PDE8A: variants seen among roughly 807,000 people sequenced by gnomAD.
PDE8A encodes phosphodiesterase 8A.
PDE8A carries 59 observed loss-of-function variants against 105.0 expected under a neutral mutation model. The observed-to-expected ratio is 0.56, with a 90% CI of 0.46 to 0.70. PDE8A has a LOEUF of 0.70. Ranked by LOEUF, PDE8A falls within the 30% of genes least tolerant of loss-of-function variation. The probability of loss-of-function intolerance (pLI) is 0.00; values close to 1 mark genes in which losing one functional copy is unlikely to be tolerated. For synonymous variants in PDE8A, 355 were observed against 371.9 expected (o/e 0.95, Z 0.52); for missense variants, 1,014 against 1,045.9 (o/e 0.97, Z 0.42).
chr15:85,031,333 C>T (rs2080611661), intron 1 of PDE8A, among the ~76,000 whole-genome samples: 1 of 152,088 alleles, frequency 6.6e-6, no homozygotes, highest in African/African-American at 2.4e-5. Flanking sequence ...TCTATAACAC[C>T]ATCTTACCAG....
chr15:85,080,112 GATATTA>G (rs1567270655), intron 5 of PDE8A, among the ~76,000 whole-genome samples: 3 of 152,066 alleles, frequency 2.0e-5, no homozygotes, highest in South Asian at 4.2e-4. Context: ...TATTGATATT[GATATTA>G]ATATCAGATG....
In PDE8A at chr15:85,005,327, G is replaced by A. The variant is rs1273212447; in HGVS notation, c.186+22979G>A. Among the ~76,000 whole-genome samples, 3 of 152,072 alleles carry A rather than the reference G, an allele frequency of 2.0e-5. No individual in the cohort carries two copies. The East Asian group carries it at 5.8e-4, about 29-fold the overall frequency. ...GAAAGGTTCTCACTATATTGCCCAG[G>A]CTGGTCTTGAACTCCCGGACTCAAG... is the stretch of plus-strand genomic sequence containing the variant. On this transcript the variant is annotated intron_variant, in intron 1 of 21. Transcript: ENST00000394553.
chr15:85,092,612 G>T (rs557699808), intron 8 of PDE8A, among the ~76,000 whole-genome samples: 89 of 152,200 alleles, frequency 5.8e-4, no homozygotes, highest in Non-Finnish European at 9.3e-4. Context: ...TGGTTTTGTT[G>T]TGAGGTTCAA....
In PDE8A at chr15:85,115,993, T is replaced by C. The variant is rs1254805674; in HGVS notation, c.1409T>C (p.Met470Thr). 7.4e-6 allele frequency: 12 copies of C among 1,613,026 alleles called. No homozygotes were observed. Among genetic ancestry groups the C allele is most frequent in the Non-Finnish European group, 1.0e-5 (12 of 1,179,388 alleles). Reference sequence around the variant, plus strand: ...TTACATCACTTTACAGACACTCAAATGGTTTCAAGCAATATAATCACTCCC... The same window carrying C: ...TTACATCACTTTACAGACACTCAAACGGTTTCAAGCAATATAATCACTCCC... ...EYVLSTKNTQ[M>T]VSSNIITPIS... Residue 470 changes from methionine (M) to threonine (T), a missense_variant, in exon 16 of 22, where the codon ATG becomes ACG. Coordinates refer to ENST00000394553, the MANE Select transcript of PDE8A (RefSeq NM_002605.3).
At chr15:85,108,263 G>T (rs1458539921) in intron 11 of PDE8A, among the ~76,000 whole-genome samples, 1 of 152,224 alleles carries the variant, frequency 6.6e-6, no homozygotes, top group Non-Finnish European at 1.5e-5. Context: ...AGCAGGGAGA[G>T]AAGTTCCAAG....
chr15:85,042,076 ATT>A (rs113543416), intron 1 of PDE8A, among the ~76,000 whole-genome samples: 7 of 150,732 alleles, frequency 4.6e-5, no homozygotes, highest in African/African-American at 1.7e-4. Flanking sequence ...AAAGAAACCA[ATT>A]TTTTTTTTTT....
intron 20 of PDE8A, among the ~76,000 whole-genome samples, chr15:85,135,179 T>C (rs1228727414): frequency 3.3e-5 from 5 of 152,238 alleles, no homozygotes; most frequent in African/African-American, 1.2e-4. Flanking sequence ...CTGGCTGTGA[T>C]GGGGTGAGCT....
At chr15:85,030,303 C>G (rs1014174062) in intron 1 of PDE8A, among the ~76,000 whole-genome samples, 3 of 151,822 alleles carry the variant, frequency 2.0e-5, no homozygotes, top group African/African-American at 7.3e-5. Context: ...TGTCTTGCCC[C>G]CGTAGCCTCC....
chr15:85,088,166 C>A (rs2081584230), intron 6 of PDE8A, among the ~76,000 whole-genome samples: 1 of 152,180 alleles, frequency 6.6e-6, no homozygotes, highest in African/African-American at 2.4e-5. Context: ...ATTACAGGCG[C>A]CTGCCACCAT....
At chr15:85,004,198 A>T (rs922028750) in intron 1 of PDE8A, among the ~76,000 whole-genome samples, 1 of 152,160 alleles carries the variant, frequency 6.6e-6, no homozygotes, top group East Asian at 1.9e-4. Context: ...TTTGCCATGC[A>T]TAATAGTTGT....
intron 1 of PDE8A, among the ~76,000 whole-genome samples, chr15:85,054,552 A>G (rs1190770827): frequency 6.6e-6 from 1 of 152,182 alleles, no homozygotes; most frequent in Non-Finnish European, 1.5e-5. Context: ...TGGAGGGTGT[A>G]TGTGTCCAGG....
At chr15:85,136,460 C>G (rs1352811516) in intron 20 of PDE8A, 74 bp from the exon 21 acceptor site, 10 of 1,511,964 alleles carry the variant, frequency 6.6e-6, no homozygotes, top group Non-Finnish European at 8.0e-6. Context: ...GAAGCTCTTC[C>G]TGGGGGAGGG....
intron 3 of PDE8A, among the ~76,000 whole-genome samples, chr15:85,067,588 C>T (rs1404001186): frequency 6.6e-6 from 1 of 152,114 alleles, no homozygotes; most frequent in African/African-American, 2.4e-5. Context: ...ATTATACTTG[C>T]ACCTTGTCAA....
intron 1 of PDE8A, among the ~76,000 whole-genome samples, chr15:84,985,764 T>C (rs551957136): frequency 6.6e-6 from 1 of 152,254 alleles, no homozygotes; most frequent in South Asian, 2.1e-4. Context: ...AAGTTGAAAA[T>C]CCACCCAGGC....
intron 1 of PDE8A, among the ~76,000 whole-genome samples, chr15:85,061,428 CGG>C (rs2081143713): frequency 6.6e-6 from 1 of 151,680 alleles, no homozygotes; most frequent in Non-Finnish European, 1.5e-5. Flanking sequence ...TTAGTAGAGA[CGG>C]GGTTTCACCA....
At chr15:85,115,739 G>C in intron 15 of PDE8A, 1 of 537,428 alleles carries the variant, frequency 1.9e-6, no homozygotes, top group South Asian at 2.4e-5. Flanking sequence ...GGCCAACATG[G>C]CAAAATCCTG....
intron 1 of PDE8A, among the ~76,000 whole-genome samples, chr15:85,034,725 A>G (rs760958295): frequency 1.3e-5 from 2 of 152,194 alleles, no homozygotes; most frequent in Non-Finnish European, 2.9e-5. Context: ...TAGTTTTACT[A>G]ATTTTAGAGA....
chr15:84,997,480 G>C (rs1261115918), intron 1 of PDE8A, among the ~76,000 whole-genome samples: 1 of 151,950 alleles, frequency 6.6e-6, no homozygotes, highest in Non-Finnish European at 1.5e-5. Context: ...ACAGATATGA[G>C]CCAACGCACC....
At position 85,055,420 on chromosome 15, in the gene PDE8A, T is replaced by TC. The variant is rs1330869163; in HGVS notation, c.187-8947dup. On this transcript the variant is annotated intron_variant, in intron 1 of 21. Transcript: ENST00000394553. Reference sequence around the variant, plus strand: ...ATGTTGACAGTGGGATGTTAAAGTCTCCCATTATTATTGTGTGGGAGTCTA... The same window carrying TC: ...ATGTTGACAGTGGGATGTTAAAGTCTCCCCATTATTATTGTGTGGGAGTCTA... Among the ~76,000 whole-genome samples the TC allele has an allele frequency of 2.9e-4, 44 of 152,332 alleles. No homozygotes were observed. The East Asian group carries it at 8.5e-3, about 29-fold the overall frequency.
Sources: allele counts gnomAD v4.1 joint callset (sites outside exome capture counted in the v4.1 genomes callset), GRCh38; gene constraint gnomAD v4.1.1; transcripts MANE v1.5; gene names NCBI Gene and HGNC (gene_info 2026-07-23, HGNC 2026-07-21).